DLGAP2: variants seen among roughly 807,000 people sequenced by gnomAD.
DLGAP2 encodes disks large-associated protein 2.
DLGAP2 carries 26 observed loss-of-function variants against 100.3 expected under a neutral mutation model. The ratio of observed to expected loss-of-function variants is 0.26; its 90% CI spans 0.19 to 0.36. DLGAP2 has a LOEUF of 0.36. Among genes scored for constraint, DLGAP2 ranks in the 10% least tolerant of loss-of-function variants. The pLI is 1.00. For missense variants in DLGAP2, 1,858 were observed against 1,453.2 expected (o/e 1.28, Z -4.53); for synonymous variants, 886 against 630.1 (o/e 1.41, Z -6.08).
chr8:1,688,977 G>C (rs114483437), intron 12 of DLGAP2, among the ~76,000 whole-genome samples: 1 of 152,132 alleles, frequency 6.6e-6, no homozygotes, highest in Middle Eastern at 3.2e-3. Flanking sequence ...CCCGAAAGTC[G>C]GGCTAAGGAG....
intron 2 of DLGAP2, among the ~76,000 whole-genome samples, chr8:1,006,459 G>C (rs1402579484): frequency 2.3e-5 from 3 of 127,898 alleles, no homozygotes; most frequent in Non-Finnish European, 4.9e-5. Context: ...CTCAAGTCTT[G>C]GTATGTGGTC....
chr8:1,160,581 G>A (rs955075816), intron 2 of DLGAP2, among the ~76,000 whole-genome samples: 2 of 152,156 alleles, frequency 1.3e-5, no homozygotes, highest in Non-Finnish European at 2.9e-5. Flanking sequence ...TGCCAGTTTG[G>A]GGAGTAGCAA....
At chr8:1,490,621 C>A (rs1187413097) in intron 3 of DLGAP2, among the ~76,000 whole-genome samples, 1 of 152,098 alleles carries the variant, frequency 6.6e-6, no homozygotes, top group African/African-American at 2.4e-5. Context: ...GTGAAATGGG[C>A]CCTCGGTTAA....
intron 6 of DLGAP2, among the ~76,000 whole-genome samples, chr8:1,580,609 A>G (rs1304254945): frequency 2.6e-5 from 4 of 152,218 alleles, no homozygotes; most frequent in Non-Finnish European, 4.4e-5. Context: ...AAGATAGATC[A>G]CATCACAGAC....
At chr8:1,558,610 GCA>G (rs1404542564) in intron 5 of DLGAP2, among the ~76,000 whole-genome samples, 1 of 149,270 alleles carries the variant, frequency 6.7e-6, no homozygotes, top group Non-Finnish European at 1.5e-5. Context: ...CCATATGCCT[GCA>G]CACACACATA....
At chr8:1,459,545 T>C (rs1031347444) in intron 3 of DLGAP2, among the ~76,000 whole-genome samples, 1 of 152,196 alleles carries the variant, frequency 6.6e-6, no homozygotes, top group Non-Finnish European at 1.5e-5. Context: ...CTTCTTCAAA[T>C]TAACTGCAAT....
chr8:754,891 C>A (rs1820885240), intron 1 of DLGAP2, among the ~76,000 whole-genome samples: 1 of 152,106 alleles, frequency 6.6e-6, no homozygotes, highest in South Asian at 2.1e-4. Context: ...GCTGTTGTAA[C>A]CAAGATACAT....
At chr8:840,508 G>T (rs1489340820) in intron 1 of DLGAP2, among the ~76,000 whole-genome samples, 2 of 95,934 alleles carry the variant, frequency 2.1e-5, no homozygotes, top group South Asian at 9.5e-4. Flanking sequence ...TTCTGCGAGC[G>T]CGTCCACACG....
At chr8:1,358,165 G>A (rs1801899337) in intron 3 of DLGAP2, among the ~76,000 whole-genome samples, 1 of 152,172 alleles carries the variant, frequency 6.6e-6, no homozygotes, top group Admixed American at 6.5e-5. Context: ...TTCTGAAGTA[G>A]CTTTGTAGGT....
chr8:1,533,075 T>C (rs1801035512), intron 4 of DLGAP2, among the ~76,000 whole-genome samples: 1 of 151,052 alleles, frequency 6.6e-6, no homozygotes, highest in Non-Finnish European at 1.5e-5. Flanking sequence ...AATGAGATAT[T>C]CTCCCCCGAA....
chr8:1,076,646 T>C (rs1203865831), intron 2 of DLGAP2, among the ~76,000 whole-genome samples: 1 of 152,200 alleles, frequency 6.6e-6, no homozygotes, highest in East Asian at 1.9e-4. Flanking sequence ...TCCCAGCAGT[T>C]GGCAGAGTTT....
intron 3 of DLGAP2, among the ~76,000 whole-genome samples, chr8:1,454,739 T>C (rs920094260): frequency 6.6e-5 from 10 of 152,188 alleles, no homozygotes; most frequent in African/African-American, 2.4e-4. Context: ...TTCAAGGTCA[T>C]GAGCAGCATC....
intron 2 of DLGAP2, among the ~76,000 whole-genome samples, chr8:1,191,372 G>T (rs190087383): frequency 2.6e-5 from 4 of 152,120 alleles, no homozygotes; most frequent in African/African-American, 7.2e-5. Flanking sequence ...GGATTTCACC[G>T]TGTTAGCCAG....
intron 2 of DLGAP2, among the ~76,000 whole-genome samples, chr8:951,530 C>T (rs1186059724): frequency 5.3e-5 from 8 of 152,222 alleles, no homozygotes; most frequent in South Asian, 2.1e-4. Context: ...GGATTACAGG[C>T]GTGAGCCACT....
intron 2 of DLGAP2, among the ~76,000 whole-genome samples, chr8:1,082,146 C>T (rs1256989748): frequency 6.6e-6 from 1 of 152,168 alleles, no homozygotes; most frequent in African/African-American, 2.4e-5. Context: ...TAGACACCTT[C>T]CTGTTACCTA....
intron 2 of DLGAP2, among the ~76,000 whole-genome samples, chr8:1,217,795 A>G (rs1341021496): frequency 6.6e-6 from 1 of 152,184 alleles, no homozygotes; most frequent in Non-Finnish European, 1.5e-5. Flanking sequence ...AATAATAGCC[A>G]TTCTGACTGG....
At chr8:948,255 T>C (rs1799382427) in intron 2 of DLGAP2, among the ~76,000 whole-genome samples, 1 of 152,194 alleles carries the variant, frequency 6.6e-6, no homozygotes, top group African/African-American at 2.4e-5. Flanking sequence ...CGGCCCTGTG[T>C]GGAGGACCCT....
intron 1 of DLGAP2, among the ~76,000 whole-genome samples, chr8:787,429 C>T (rs2132634116): frequency 1.3e-5 from 2 of 152,332 alleles, no homozygotes; most frequent in Non-Finnish European, 2.9e-5. Context: ...TCTAACTTCT[C>T]TCCGCTTCTC....
At chr8:1,150,969 T>A (rs1192650492) in intron 2 of DLGAP2, among the ~76,000 whole-genome samples, 1 of 152,252 alleles carries the variant, frequency 6.6e-6, no homozygotes, top group Non-Finnish European at 1.5e-5. Flanking sequence ...CTGTTTTTTG[T>A]ATGTTTGCAG....
Sources: gnomAD v4.1 joint callset for allele counts (sites outside exome capture counted in the v4.1 genomes callset) on GRCh38, gnomAD v4.1.1 for gene constraint, MANE v1.5 for transcripts, NCBI Gene and HGNC (gene_info 2026-07-23, HGNC 2026-07-21) for gene names.